The following REPS2 variants were observed in gnomAD, a reference collection of about 807,000 sequenced individuals.
REPS2 encodes the protein RALBP1 associated Eps domain containing 2.
Under a neutral mutation model 53.6 loss-of-function variants are expected in REPS2, and 23 were observed. The observed-to-expected ratio is 0.43, with a 90% CI of 0.31 to 0.61. The LOEUF (loss-of-function observed/expected upper bound fraction) is 0.61, where lower values mean the gene tolerates loss of function less well. Ranked by LOEUF, REPS2 falls within the 20% of genes least tolerant of loss-of-function variation. The pLI, the probability that REPS2 is intolerant of heterozygous loss-of-function variation, is 0.11. For missense variants in REPS2, 446 were observed against 534.9 expected (o/e 0.83, Z 1.64); for synonymous variants, 238 against 218.6 (o/e 1.09, Z -0.78).
At chrX:17,096,198 G>A (rs2062695034) in intron 13 of REPS2, among the ~76,000 whole-genome samples, 1 of 111,636 alleles carries the variant, frequency 9.0e-6, no homozygotes, top group African/African-American at 3.3e-5. Flanking sequence ...AGAGGGAAGA[G>A]GAATTCACTT....
At chrX:16,964,985 C>G (rs1403542252) in intron 1 of REPS2, among the ~76,000 whole-genome samples, 1 of 79,316 alleles carries the variant, frequency 1.3e-5, no homozygotes, top group Non-Finnish European at 2.5e-5. Flanking sequence ...CCAGTAGGGG[C>G]GCCCGGGCAG....
intron 1 of REPS2, among the ~76,000 whole-genome samples, chrX:16,994,761 G>T (rs887663573): frequency 9.0e-6 from 1 of 111,200 alleles, no homozygotes; most frequent in African/African-American, 3.3e-5. Context: ...CAGCACTGAA[G>T]AACTTAACTC....
chrX:17,018,212 C>CTTTTTTTTTTTT (rs200578522), intron 2 of REPS2, among the ~76,000 whole-genome samples: 1 of 92,295 alleles, frequency 1.1e-5, no homozygotes, highest in Non-Finnish European at 2.1e-5. Context: ...TGGCAACTGC[C>CTTTTTTTTTTTT]TTTTTTTTTT....
rs142448550 is a variant in REPS2 at position 17,142,133 on chromosome X, A to G, written c.1914+3172A>G. On this transcript the variant is annotated intron_variant, in intron 17 of 17. Coordinates refer to ENST00000357277, the MANE Select transcript of REPS2 (RefSeq NM_004726.3). ...ATTCAATGAGAAATAATAGTTTTCA[A>G]CAAATTGTTTTATAACAATTTGTCA... Among the ~76,000 whole-genome samples the G allele has an allele frequency of 3.7e-3, 418 of 112,154 alleles. 3 individuals are homozygous for G. Among genetic ancestry groups the G allele is most frequent in the Admixed American group, 5.1e-3 (54 of 10,594 alleles).
chrX:17,025,427 C>T (rs1389893902), intron 4 of REPS2, among the ~76,000 whole-genome samples: 1 of 112,207 alleles, frequency 8.9e-6, no homozygotes, highest in African/African-American at 3.2e-5. Context: ...TTGTAAACAG[C>T]TAGATGATTT....
Position 16,965,430 on chromosome X carries a change from G to C in REPS2, c.273+18296G>C, listed in dbSNP as rs1230344651. Reference sequence around the variant, plus strand: ...CGGAGACGCTCCTCACTTCCCAGACGGGGTGGCTGCTGGGCGGAGGGGCTC... The same window carrying C: ...CGGAGACGCTCCTCACTTCCCAGACCGGGTGGCTGCTGGGCGGAGGGGCTC... On this transcript the variant is annotated intron_variant, in intron 1 of 17. Coordinates refer to ENST00000357277, the MANE Select transcript of REPS2 (RefSeq NM_004726.3). Among the ~76,000 whole-genome samples the C allele has an allele frequency of 1.2e-4, 13 of 112,392 alleles. No homozygotes were observed. The East Asian group carries it at 3.7e-3, about 32-fold the overall frequency.
At chrX:17,102,918 C>A (rs1275623873) in intron 13 of REPS2, among the ~76,000 whole-genome samples, 1 of 112,013 alleles carries the variant, frequency 8.9e-6, no homozygotes, top group Non-Finnish European at 1.9e-5. Context: ...GTTTAACTTG[C>A]CAGTGTGTAA....
At chrX:17,184,611 T>C in the REPS2 span, among the ~76,000 whole-genome samples, 2 of 109,923 alleles carry the variant, frequency 1.8e-5, no homozygotes, top group African/African-American at 6.6e-5. Flanking sequence ...CACACTGACT[T>C]CCACAATGGT....
At chrX:16,954,809 T>TTG (rs2060572017) in intron 1 of REPS2, among the ~76,000 whole-genome samples, 1 of 86,774 alleles carries the variant, frequency 1.2e-5, no homozygotes, top group Non-Finnish European at 2.3e-5. Flanking sequence ...TTATAACTTT[T>TTG]TTTTTTTTTT....
intron 14 of REPS2, 134 bp from the exon 15 acceptor site, chrX:17,133,690 G>A (rs2063324242): frequency 3.7e-6 from 2 of 546,779 alleles, no homozygotes. Flanking sequence ...AGGATCAGCA[G>A]ACTTAAGCAT....
intron 13 of REPS2, among the ~76,000 whole-genome samples, chrX:17,085,977 T>C (rs2062529104): frequency 1.8e-5 from 2 of 112,225 alleles, no homozygotes; most frequent in African/African-American, 6.5e-5. Context: ...CTTTTTATAC[T>C]AGTTTGTTCC....
At chrX:17,125,577 G>A (rs2063198302) in intron 14 of REPS2, among the ~76,000 whole-genome samples, 1 of 112,674 alleles carries the variant, frequency 8.9e-6, no homozygotes, top group Non-Finnish European at 1.9e-5. Flanking sequence ...TAATTATCCT[G>A]CTCTGGTTAT....
chrX:17,115,191 A>G (rs1440577884), intron 14 of REPS2, among the ~76,000 whole-genome samples: 1 of 112,201 alleles, frequency 8.9e-6, no homozygotes, highest in Non-Finnish European at 1.9e-5. Flanking sequence ...TTTATTGATC[A>G]TTTTTGGGTG....
intron 17 of REPS2, among the ~76,000 whole-genome samples, chrX:17,140,891 C>T (rs1313665066): frequency 9.1e-6 from 1 of 109,310 alleles, no homozygotes; most frequent in Admixed American, 9.8e-5. Context: ...CTGGCTTAGC[C>T]TCCTGAGTAG....
In REPS2 at chrX:17,119,930, G is replaced by A. The variant is rs193273296; in HGVS notation, c.1579-13894G>A. ...CTTGCTCCGTTGCCCAGGCTAGAGT[G>A]CAGTGGCGCGATTCTGGCTCGCTGC... On this transcript the variant is annotated intron_variant, in intron 14 of 17. Transcript: ENST00000357277. 6.7e-3 allele frequency among the ~76,000 whole-genome samples: 635 copies of A among 94,879 alleles called. 4 individuals carry two copies. Among genetic ancestry groups the A allele is most frequent in the Non-Finnish European group, 9.9e-3 (489 of 49,268 alleles). The allele number at this position is 94,879 out of a possible 115,157, so 82.4% of individuals were successfully genotyped here. A position where few individuals can be genotyped will look rare whatever the true frequency, so the allele number is the denominator to read the frequency against.
In REPS2 at chrX:17,095,679, C is replaced by G. The variant is rs2062687959; in HGVS notation, c.1517-8039C>G. Among the ~76,000 whole-genome samples the G allele has an allele frequency of 2.7e-5, 3 of 110,695 alleles. No homozygotes were observed. The Admixed American group carries it at 2.9e-4, about 11-fold the overall frequency. On this transcript the variant is annotated intron_variant, in intron 13 of 17. Transcript: ENST00000357277. ...GCAGAGGGGACTGTAAGAGTAGGGC[C>G]CCTGAAGCCAAAAACAGCATGAAGA...
intron 1 of REPS2, among the ~76,000 whole-genome samples, chrX:17,002,062 G>A (rs886146303): frequency 1.8e-5 from 2 of 111,712 alleles, no homozygotes; most frequent in African/African-American, 6.5e-5. Flanking sequence ...TTGTGTTAAA[G>A]TTGATTTCCT....
At chrX:17,022,077 T>C in intron 2 of REPS2, 46 bp from the exon 3 acceptor site, 1 of 1,139,160 alleles carries the variant, frequency 8.8e-7, no homozygotes, top group Non-Finnish European at 1.2e-6. Flanking sequence ...TTTTGCAGTT[T>C]TTAAATTAAG....
chrX:17,098,180 C>A (rs1223671855), intron 13 of REPS2, among the ~76,000 whole-genome samples: 1 of 111,346 alleles, frequency 9.0e-6, no homozygotes, highest in Non-Finnish European at 1.9e-5. Flanking sequence ...AAAAAACTTA[C>A]CAAGTTGAGA....
Sources: allele counts gnomAD v4.1 joint callset (sites outside exome capture counted in the v4.1 genomes callset), GRCh38; gene constraint gnomAD v4.1.1; transcripts MANE v1.5; gene names NCBI Gene and HGNC (gene_info 2026-07-23, HGNC 2026-07-21).